Variants in FOXN2 observed in about 807,000 individuals in gnomAD.
FOXN2 encodes forkhead box N2.
In FOXN2, 19 loss-of-function variants were observed where a neutral mutation model predicts 41.2. The observed-to-expected ratio is 0.46, with a 90% CI of 0.32 to 0.68. FOXN2 has a LOEUF of 0.68. Ranked by LOEUF, FOXN2 falls within the 30% of genes least tolerant of loss-of-function variation. FOXN2 has a pLI of 0.03. For synonymous variants in FOXN2, 195 were observed against 176.8 expected (o/e 1.10, Z -0.82); for missense variants, 587 against 509.4 (o/e 1.15, Z -1.47).
chr2:48,374,962 G>A lies in FOXN2; in HGVS notation c.815G>A (p.Arg272Lys). 2.5e-6 allele frequency: 4 copies of A among 1,613,400 alleles called. No homozygotes were observed. The highest frequency in any genetic ancestry group is 3.4e-6 in the Non-Finnish European group (4 of 1,179,564). Reference protein sequence around the residue: ...LPLKTALQKKRSYGNAFHHPS... With the variant: ...LPLKTALQKKKSYGNAFHHPS... ...CTTAAAACAGCATTGCAAAAAAAGA[G>A]GAGTTACGGCAATGCATTTCATCAT... The change falls in exon 7 of 7, where the codon AGG (arginine) becomes AAG (lysine). Residue 272 changes from arginine to lysine, a missense_variant. Coordinates refer to ENST00000340553, the MANE Select transcript of FOXN2 (RefSeq NM_002158.4).
chr2:48,373,974 G>C (rs1317115600), intron 6 of FOXN2, among the ~76,000 whole-genome samples: 1 of 151,818 alleles, frequency 6.6e-6, no homozygotes, highest in Non-Finnish European at 1.5e-5. Flanking sequence ...AGAATTGCTT[G>C]AACCTGGGAG....
rs1671079429 is a variant in FOXN2, at chr2:48,346,109, C to G, written c.-14-92C>G. The G allele has an allele frequency of 4.4e-6, 5 of 1,130,904 alleles. No individual in the cohort carries two copies. The South Asian group carries it at 8.0e-5, about 18-fold the overall frequency. The allele number at this position is 1,130,904 out of a possible 1,614,324, so 70.1% of individuals were successfully genotyped here. Reference sequence around the variant, plus strand: ...TGTGGGACAATTGATTGCAAAATTTCTCTGATTTGGGGATATTTACATATG... The same window carrying G: ...TGTGGGACAATTGATTGCAAAATTTGTCTGATTTGGGGATATTTACATATG... On this transcript the variant is annotated intron_variant, in intron 2 of 6. Coordinates refer to ENST00000340553, the MANE Select transcript of FOXN2 (RefSeq NM_002158.4).
chr2:48,337,948 G>C (rs1670476177), intron 2 of FOXN2, among the ~76,000 whole-genome samples: 1 of 152,048 alleles, frequency 6.6e-6, no homozygotes, highest in South Asian at 2.1e-4. Flanking sequence ...AGATTAGTAG[G>C]AATACAGAAA....
chr2:48,348,240 A>G (rs954676603), intron 3 of FOXN2, among the ~76,000 whole-genome samples: 3 of 145,090 alleles, frequency 2.1e-5, no homozygotes, highest in Non-Finnish European at 4.6e-5. Flanking sequence ...CCTTTCCTCC[A>G]CTCTTTCTCT....
chr2:48,349,331 GAA>G (rs1671306496), intron 3 of FOXN2, among the ~76,000 whole-genome samples: 1 of 151,920 alleles, frequency 6.6e-6, no homozygotes, highest in East Asian at 1.9e-4. Flanking sequence ...ACTAAAATTA[GAA>G]AAAATTAGCT....
rs1027353212 is a variant in FOXN2, at chr2:48,359,237, C to T, written c.638+90C>T. 5 of 877,424 alleles carry T rather than the reference C, an allele frequency of 5.7e-6. No homozygotes were observed. The African/African-American group carries it at 8.6e-5, about 15-fold the overall frequency. 54.4% of individuals were successfully genotyped at this position (877,424 alleles called of 1,614,324 possible). A position where few individuals can be genotyped will look rare whatever the true frequency, so the allele number is the denominator to read the frequency against. ...CTTAAAGGTCCAGGGTATTATGTTT[C>T]TGTTTTATTGTATAAAGAAGTATTT... On this transcript the variant is annotated intron_variant, in intron 4 of 6. Transcript: ENST00000340553.
intron 3 of FOXN2, among the ~76,000 whole-genome samples, chr2:48,353,140 A>T (rs531186253): frequency 6.6e-6 from 1 of 152,276 alleles, no homozygotes; most frequent in Admixed American, 6.5e-5. Flanking sequence ...AACCTTTAGT[A>T]AATATGACTT....
At chr2:48,342,174 G>A (rs1213611880) in intron 2 of FOXN2, among the ~76,000 whole-genome samples, 3 of 151,966 alleles carry the variant, frequency 2.0e-5, no homozygotes, top group African/African-American at 4.8e-5. Context: ...TTTCTTTTTT[G>A]TATGTATTTT....
At position 48,375,105 on chromosome 2, in the gene FOXN2, G is replaced by T. The variant is rs201218812; in HGVS notation, c.958G>T (p.Val320Leu). Residue 320 changes from valine (V) to leucine (L), a missense_variant, in exon 7 of 7, where the codon GTG (valine) becomes TTG (leucine). Coordinates refer to ENST00000340553, the MANE Select transcript of FOXN2 (RefSeq NM_002158.4). ...AAQRCASRSS[V>L]SSLSSVDEVY... The stretch of plus-strand genomic sequence containing the variant: ...ACAGCGTTGTGCATCCAGGTCTAGC[G>T]TGTCTTCCCTGTCTTCTGTGGATGA... 1.2e-6 allele frequency: 2 copies of T among 1,613,942 alleles called. No individual in the cohort carries two copies. The highest frequency in any genetic ancestry group is 2.7e-5 in the African/African-American group (2 of 74,902).
At chr2:48,314,229 C>A (rs910474505), upstream of FOXN2, among the ~76,000 whole-genome samples, 5 of 152,286 alleles carry the variant, frequency 3.3e-5, no homozygotes, top group African/African-American at 1.2e-4. Context: ...GAGGGCCGTA[C>A]TGCCCTGCGG....
intron 5 of FOXN2, among the ~76,000 whole-genome samples, chr2:48,367,378 T>G (rs1672602910): frequency 1.3e-5 from 2 of 152,202 alleles, no homozygotes; most frequent in African/African-American, 4.8e-5. Flanking sequence ...AAGCACCTGG[T>G]ATACTACAAA....
chr2:48,328,325 G>A (rs1669813656), intron 1 of FOXN2, among the ~76,000 whole-genome samples: 1 of 152,204 alleles, frequency 6.6e-6, no homozygotes, highest in South Asian at 2.1e-4. Context: ...AAAATCCACA[G>A]ATGCTCAAGT....
chr2:48,350,728 A>AG (rs1289335645), intron 3 of FOXN2, among the ~76,000 whole-genome samples: 1 of 152,140 alleles, frequency 6.6e-6, no homozygotes, highest in African/African-American at 2.4e-5. Context: ...CTTCCTCTGG[A>AG]GCACCAGATG....
chr2:48,348,230 C>T (rs1213116417), intron 3 of FOXN2, among the ~76,000 whole-genome samples: 1 of 151,922 alleles, frequency 6.6e-6, no homozygotes, highest in Non-Finnish European at 1.5e-5. Flanking sequence ...GATTGCTTTG[C>T]CTTTCCTCCA....
At chr2:48,361,113 T>C (rs1278563678) in intron 4 of FOXN2, among the ~76,000 whole-genome samples, 1 of 152,206 alleles carries the variant, frequency 6.6e-6, no homozygotes, top group East Asian at 1.9e-4. Context: ...TTCATGTTTC[T>C]ATCTTTTAGC....
chr2:48,327,806 G>C (rs1400404690), intron 1 of FOXN2, among the ~76,000 whole-genome samples: 1 of 152,178 alleles, frequency 6.6e-6, no homozygotes. Flanking sequence ...ATATTTTTAA[G>C]TCAGAGTACG....
intron 1 of FOXN2, among the ~76,000 whole-genome samples, chr2:48,317,203 C>T (rs1668974467): frequency 6.6e-6 from 1 of 152,070 alleles, no homozygotes; most frequent in Non-Finnish European, 1.5e-5. Context: ...AATCCCAGCA[C>T]TTTGGGAGGC....
chr2:48,365,623 A>T (rs1006380147), intron 5 of FOXN2, among the ~76,000 whole-genome samples: 7 of 152,266 alleles, frequency 4.6e-5, no homozygotes, highest in African/African-American at 1.7e-4. Flanking sequence ...CTTCTTCTTC[A>T]TCTAATGACT....
At chr2:48,315,602 C>A (rs1049924255) in intron 1 of FOXN2, among the ~76,000 whole-genome samples, 1 of 152,236 alleles carries the variant, frequency 6.6e-6, no homozygotes, top group Non-Finnish European at 1.5e-5. Context: ...AAGAGGCCTT[C>A]AGCCTTTCAA....
Sources: gnomAD v4.1 joint callset for allele counts (sites outside exome capture counted in the v4.1 genomes callset) on GRCh38, gnomAD v4.1.1 for gene constraint, MANE v1.5 for transcripts, NCBI Gene and HGNC (gene_info 2026-07-23, HGNC 2026-07-21) for gene names.